Variants in ZNF385D observed in about 807,000 individuals in gnomAD.
The protein encoded by ZNF385D is zinc finger protein 659.
ZNF385D carries 15 observed loss-of-function variants against 35.8 expected under a neutral mutation model. The ratio of observed to expected loss-of-function variants is 0.42; its 90% CI spans 0.28 to 0.64. The LOEUF (loss-of-function observed/expected upper bound fraction) is 0.64. ZNF385D is among the 30% of genes least tolerant of loss of function. The pLI is 0.23. For missense variants in ZNF385D, 474 were observed against 494.6 expected (o/e 0.96, Z 0.39); for synonymous variants, 212 against 186.8 (o/e 1.13, Z -1.10).
chr3:22,038,769 G>GA (rs1698488237), intron 3 of ZNF385D, among the ~76,000 whole-genome samples: 1 of 151,668 alleles, frequency 6.6e-6, no homozygotes. Context: ...ACACACTAAG[G>GA]AAAAAATATA....
At chr3:21,649,394 T>C (rs954600146) in intron 2 of ZNF385D, among the ~76,000 whole-genome samples, 1 of 152,136 alleles carries the variant, frequency 6.6e-6, no homozygotes, top group Non-Finnish European at 1.5e-5. Context: ...CATAGATTGA[T>C]GTCCCCAGGA....
At chr3:21,458,475 A>G (rs1328242101) in intron 4 of ZNF385D, among the ~76,000 whole-genome samples, 3 of 151,520 alleles carry the variant, frequency 2.0e-5, no homozygotes, top group African/African-American at 7.3e-5. Flanking sequence ...GAGAAAGACC[A>G]TGTCTCAAGG....
Position 21,922,333 on chromosome 3 carries a change from A to C in ZNF385D, c.325+246484T>G, listed in dbSNP as rs184135323. ...AAAAAAGAGCCGTAACAGAAAAAGC[A>C]CTCATAAGCAAAAAAGAATAAAGCT... is the stretch of plus-strand genomic sequence containing the variant. On this transcript the variant is annotated intron_variant, in intron 3 of 5. Transcript: ENST00000494108. 3.8e-4 allele frequency among the ~76,000 whole-genome samples: 58 copies of C among 152,292 alleles called. 2 individuals are homozygous for C. In the East Asian group the frequency reaches 9.7e-3, roughly 25 times the overall value.
intron 2 of ZNF385D, among the ~76,000 whole-genome samples, chr3:22,304,379 T>C (rs1703088030): frequency 1.3e-5 from 2 of 152,204 alleles, no homozygotes; most frequent in African/African-American, 4.8e-5. Context: ...TGAATCTATG[T>C]ATTTTAGCAG....
At chr3:22,112,764 G>A (rs891113090) in intron 3 of ZNF385D, among the ~76,000 whole-genome samples, 1 of 152,004 alleles carries the variant, frequency 6.6e-6, no homozygotes, top group African/African-American at 2.4e-5. Flanking sequence ...ATCTTTGAAT[G>A]GAATGTCAAG....
chr3:21,625,085 TA>T (rs1284338412), intron 2 of ZNF385D, among the ~76,000 whole-genome samples: 3 of 152,130 alleles, frequency 2.0e-5, no homozygotes, highest in Non-Finnish European at 2.9e-5. Flanking sequence ...TGTAACAAGA[TA>T]GATCAAAATT....
intron 3 of ZNF385D, among the ~76,000 whole-genome samples, chr3:21,549,598 G>A (rs1156363012): frequency 6.6e-6 from 1 of 152,170 alleles, no homozygotes; most frequent in African/African-American, 2.4e-5. Context: ...ACTCTCCAGA[G>A]CCAGCTTTTC....
At chr3:22,135,576 T>C (rs9812687) in intron 3 of ZNF385D, among the ~76,000 whole-genome samples, 107,879 of 152,052 alleles carry the variant, frequency 0.71, 39,126 homozygotes, top group East Asian at 0.85. Context: ...ATGGGTTTAA[T>C]GCATTCTTAT....
At chr3:21,498,984 A>C (rs1706151387) in intron 4 of ZNF385D, among the ~76,000 whole-genome samples, 1 of 151,148 alleles carries the variant, frequency 6.6e-6, no homozygotes, top group Non-Finnish European at 1.5e-5. Flanking sequence ...AAAAAATAAC[A>C]GATGCTGGCA....
intron 3 of ZNF385D, among the ~76,000 whole-genome samples, chr3:21,512,607 A>G (rs1707296208): frequency 6.6e-6 from 1 of 152,260 alleles, no homozygotes. Context: ...CAGTTTGAAC[A>G]GAGAGCACAC....
intron 3 of ZNF385D, among the ~76,000 whole-genome samples, chr3:21,887,504 A>C (rs932362109): frequency 6.6e-6 from 1 of 152,166 alleles, no homozygotes; most frequent in Non-Finnish European, 1.5e-5. Context: ...ACTTTGTTTT[A>C]GTTTTTAAAC....
At chr3:22,033,181 A>T (rs1395575710) in intron 3 of ZNF385D, among the ~76,000 whole-genome samples, 1 of 151,936 alleles carries the variant, frequency 6.6e-6, no homozygotes, top group Non-Finnish European at 1.5e-5. Flanking sequence ...GCAGGTCGAT[A>T]GCTTGAGCTC....
At chr3:21,543,062 C>T (rs1016426392) in intron 3 of ZNF385D, 1 of 152,510 alleles carries the variant, frequency 6.6e-6, no homozygotes. Context: ...CCTGTAATTC[C>T]AGCACTTTGG....
chr3:21,627,516 C>CTAT (rs999823269), intron 2 of ZNF385D, among the ~76,000 whole-genome samples: 11 of 152,236 alleles, frequency 7.2e-5, no homozygotes, highest in African/African-American at 2.6e-4. Context: ...GATCAAGTGT[C>CTAT]TATTTCTCAC....
At chr3:21,854,034 A>G (rs1696566650) in intron 3 of ZNF385D, among the ~76,000 whole-genome samples, 1 of 151,948 alleles carries the variant, frequency 6.6e-6, no homozygotes, top group African/African-American at 2.4e-5. Flanking sequence ...TACAAATATA[A>G]AAAGTAATTC....
chr3:21,827,667 C>T (rs528263986), intron 3 of ZNF385D, among the ~76,000 whole-genome samples: 5 of 152,240 alleles, frequency 3.3e-5, no homozygotes, highest in African/African-American at 1.2e-4. Flanking sequence ...TGGAGTGCCT[C>T]TATTTTGAAG....
chr3:22,212,229 G>A (rs746908135), intron 2 of ZNF385D, among the ~76,000 whole-genome samples: 5 of 151,996 alleles, frequency 3.3e-5, no homozygotes, highest in Non-Finnish European at 5.9e-5. Flanking sequence ...ACCATCAAAC[G>A]CTGCCTCATC....
At chr3:22,197,039 T>C (rs1322209863) in intron 2 of ZNF385D, among the ~76,000 whole-genome samples, 1 of 152,110 alleles carries the variant, frequency 6.6e-6, no homozygotes, top group Non-Finnish European at 1.5e-5. Context: ...TCCATAAAAT[T>C]TGGCTTCCAA....
Position 22,076,629 on chromosome 3 carries a change from G to C in ZNF385D, c.325+92188C>G, listed in dbSNP as rs139398428. Among the ~76,000 whole-genome samples, 670 of 151,942 alleles carry C rather than the reference G, an allele frequency of 4.4e-3. 1 individual carries two copies. Among genetic ancestry groups the C allele is most frequent in the Non-Finnish European group, 7.5e-3 (506 of 67,860 alleles). On this transcript the variant is annotated intron_variant, in intron 3 of 5. Coordinates refer to the ZNF385D transcript ENST00000494108. ...AATTGGACTATAAGCACAAGGACAC[G>C]TCTGTGGTTCATAGTTTTATCCCTA...
Sources: gnomAD v4.1 joint callset for allele counts (sites outside exome capture counted in the v4.1 genomes callset) on GRCh38, gnomAD v4.1.1 for gene constraint, MANE v1.5 for transcripts, NCBI Gene and HGNC (gene_info 2026-07-23, HGNC 2026-07-21) for gene names.